AFF3: variants seen among roughly 807,000 people sequenced by gnomAD.
AFF3 encodes the protein AF4/FMR2 family member 3.
A neutral mutation model predicts 129.7 loss-of-function variants in AFF3; 32 were observed. The ratio of observed to expected loss-of-function variants is 0.25; its 90% confidence interval spans 0.19 to 0.33. The LOEUF (loss-of-function observed/expected upper bound fraction) is 0.33. Ranked by LOEUF, AFF3 falls within the 10% of genes least tolerant of loss-of-function variation. The pLI, the probability that AFF3 is intolerant of heterozygous loss-of-function variation, is 1.00. For missense variants in AFF3, 1,373 were observed against 1,592.0 expected, an observed-to-expected ratio of 0.86 and a Z score of 2.34; for synonymous variants, 644 against 635.4, an observed-to-expected ratio of 1.01 and a Z score of -0.20.
At chr2:99,972,183 T>C (rs972296590) in intron 7 of AFF3, among the ~76,000 whole-genome samples, 2 of 152,174 alleles carry the variant, frequency 1.3e-5, no homozygotes, top group South Asian at 4.1e-4. Context: ...GGGTCACTGA[T>C]AGTCTACTAC....
intron 11 of AFF3, among the ~76,000 whole-genome samples, chr2:99,685,728 TC>T (rs762027060): frequency 1.1e-4 from 16 of 152,208 alleles, no homozygotes; most frequent in Non-Finnish European, 2.2e-4. Flanking sequence ...AATGTACACT[TC>T]TGAGATAGGA....
intron 13 of AFF3, among the ~76,000 whole-genome samples, chr2:99,637,709 A>T (rs1282165794): frequency 2.0e-5 from 3 of 152,206 alleles, no homozygotes; most frequent in African/African-American, 4.8e-5. Flanking sequence ...TAGATATTTT[A>T]AAAAAAGAAG....
At chr2:100,054,485 C>T (rs1686606956) in intron 4 of AFF3, among the ~76,000 whole-genome samples, 1 of 152,146 alleles carries the variant, frequency 6.6e-6, no homozygotes, top group Admixed American at 6.5e-5. Context: ...CTGCCTTGAG[C>T]CTGCGACATC....
At chr2:99,971,044 G>GA (rs1678318283) in intron 7 of AFF3, among the ~76,000 whole-genome samples, 1 of 152,194 alleles carries the variant, frequency 6.6e-6, no homozygotes, top group African/African-American at 2.4e-5. Context: ...AACACCTACA[G>GA]TATTGGCATA....
intron 4 of AFF3, among the ~76,000 whole-genome samples, chr2:100,020,767 G>C (rs1170920001): frequency 6.6e-6 from 1 of 152,192 alleles, no homozygotes; most frequent in Non-Finnish European, 1.5e-5. Context: ...CCTTGGCCCA[G>C]GCCACCATGG....
chr2:100,053,317 T>C (rs113220431), intron 4 of AFF3, among the ~76,000 whole-genome samples: 121 of 152,390 alleles, frequency 7.9e-4, no homozygotes, highest in Non-Finnish European at 1.5e-3. Flanking sequence ...AGTGGTCTTC[T>C]AATAACTGTA....
chr2:99,926,450 A>G (rs1380074817), intron 7 of AFF3, among the ~76,000 whole-genome samples: 1 of 152,208 alleles, frequency 6.6e-6, no homozygotes, highest in East Asian at 1.9e-4. Flanking sequence ...AATTTTTCAT[A>G]TAACAAAGCC....
chr2:99,770,319 C>G (rs1219127374), intron 8 of AFF3, among the ~76,000 whole-genome samples: 1 of 152,148 alleles, frequency 6.6e-6, no homozygotes, highest in Non-Finnish European at 1.5e-5. Flanking sequence ...ACTTAATGCC[C>G]AAAGGCCCCT....
chr2:99,746,082 T>A (rs900358146), intron 9 of AFF3, among the ~76,000 whole-genome samples: 1 of 150,948 alleles, frequency 6.6e-6, no homozygotes, highest in South Asian at 2.1e-4. Context: ...ATATAATTTA[T>A]CCATGTAACC....
intron 1 of AFF3, among the ~76,000 whole-genome samples, chr2:100,136,815 T>C (rs1216148791): frequency 1.3e-5 from 2 of 152,198 alleles, no homozygotes; most frequent in Non-Finnish European, 2.9e-5. Context: ...AAAATAAAAA[T>C]TGGTTTCCTG....
At position 99,888,594 on chromosome 2, in the gene AFF3, A is replaced by G. The variant is rs972526580; in HGVS notation, c.874-51070T>C. ...TTTTGAAACTCACCATCTTACAATG[A>G]CTTTTATTCTTAAGTATGTCAGATG... is the stretch of plus-strand genomic sequence containing the variant. On this transcript the variant is annotated intron_variant, in intron 7 of 24. Transcript: ENST00000672756. Among the ~76,000 whole-genome samples the G allele has an allele frequency of 3.0e-4, 45 of 152,208 alleles. 2 individuals are homozygous for G. The highest frequency in any genetic ancestry group is 7.3e-5 in the Non-Finnish European group (5 of 68,034).
intron 7 of AFF3, among the ~76,000 whole-genome samples, chr2:99,854,473 AAAAC>A (rs1380031048): frequency 6.6e-6 from 1 of 152,228 alleles, no homozygotes; most frequent in Non-Finnish European, 1.5e-5. Context: ...AGTTATAAAT[AAAAC>A]AAAGCAAATA....
At chr2:100,016,821 G>GTGGTGGTGA (rs1683153250) in intron 4 of AFF3, among the ~76,000 whole-genome samples, 1 of 150,710 alleles carries the variant, frequency 6.6e-6, no homozygotes, top group African/African-American at 2.4e-5. Context: ...GCTGATGGTG[G>GTGGTGGTGA]TGGTGGTGAT....
intron 2 of AFF3, among the ~76,000 whole-genome samples, chr2:100,111,776 G>C (rs1691517908): frequency 6.6e-6 from 1 of 152,220 alleles, no homozygotes; most frequent in Non-Finnish European, 1.5e-5. Flanking sequence ...TACAGGGTTA[G>C]AACCCTATAA....
rs150358675 is a variant in AFF3 at position 99,733,827 on chromosome 2, C to T, written c.1040-6699G>A. Among the ~76,000 whole-genome samples, 255 of 152,300 alleles carry T rather than the reference C, an allele frequency of 1.7e-3. 1 individual carries two copies. Among genetic ancestry groups the T allele is most frequent in the African/African-American group, 5.7e-3 (235 of 41,556 alleles). On this transcript the variant is annotated intron_variant, in intron 10 of 24. Coordinates refer to ENST00000672756, the MANE Select transcript of AFF3 (RefSeq NM_001386135.1). ...AATTTGTCTATTACTGCCCTCATTA[C>T]TTAGCTTTAATATATATTTAAAAAT...
chr2:99,765,960 TC>T lies in AFF3; in HGVS notation c.922-13660del, dbSNP rs543857481. On this transcript the variant is annotated intron_variant, in intron 8 of 24. Coordinates refer to ENST00000672756, the MANE Select transcript of AFF3 (RefSeq NM_001386135.1). ...TCTTCAAAGGGATAGTTACTAGAAA[TC>T]AGCATACATCCTCTTTCTAGTTTGG... 1.5e-4 allele frequency among the ~76,000 whole-genome samples: 23 copies of T among 152,320 alleles called. No individual in the cohort carries two copies. The South Asian group carries it at 3.7e-3, about 25-fold the overall frequency.
At chr2:99,966,685 G>A (rs1328498709) in intron 7 of AFF3, among the ~76,000 whole-genome samples, 5 of 51,226 alleles carry the variant, frequency 9.8e-5, no homozygotes, top group Non-Finnish European at 1.7e-4. Context: ...GCGAGACTCC[G>A]TCTCAAAAAA....
intron 1 of AFF3, among the ~76,000 whole-genome samples, chr2:100,132,744 C>CA (rs1220375490): frequency 2.6e-5 from 4 of 151,728 alleles, no homozygotes; most frequent in Non-Finnish European, 5.9e-5. Flanking sequence ...ACTTAGTACT[C>CA]AAAAAAATGT....
intron 7 of AFF3, among the ~76,000 whole-genome samples, chr2:99,917,536 G>C (rs1695556238): frequency 6.6e-6 from 1 of 152,138 alleles, no homozygotes; most frequent in Non-Finnish European, 1.5e-5. Flanking sequence ...TAAGAGTTTA[G>C]ATTCTAGGCT....
Sources: gnomAD v4.1 joint callset for allele counts (sites outside exome capture counted in the v4.1 genomes callset) on GRCh38, gnomAD v4.1.1 for gene constraint, MANE v1.5 for transcripts, NCBI Gene and HGNC (gene_info 2026-07-23, HGNC 2026-07-21) for gene names.